The following RBPJ variants were observed in gnomAD, a reference collection of about 807,000 sequenced individuals.
RBPJ encodes recombination signal binding protein for immunoglobulin kappa J region.
A neutral mutation model predicts 67.8 loss-of-function variants in RBPJ; 9 were observed. That is an observed-to-expected ratio of 0.13 (90% CI 0.08 to 0.23). The LOEUF (loss-of-function observed/expected upper bound fraction) is 0.23. Among genes scored for constraint, RBPJ ranks in the 10% least tolerant of loss-of-function variants. The pLI, the probability that RBPJ is intolerant of heterozygous loss-of-function variation, is 1.00. For missense variants in RBPJ, 305 were observed against 595.6 expected, an observed-to-expected ratio of 0.51 and a Z score of 5.08; for synonymous variants, 198 against 203.3, an observed-to-expected ratio of 0.97 and a Z score of 0.22.
At chr4:26,376,149 C>G (rs1729707249) in intron 1 of RBPJ, among the ~76,000 whole-genome samples, 1 of 152,070 alleles carries the variant, frequency 6.6e-6, no homozygotes, top group African/African-American at 2.4e-5. Context: ...ACCATTTTAA[C>G]CAATTTTAAG....
At chr4:26,418,330 A>G (rs566900513) in intron 4 of RBPJ, among the ~76,000 whole-genome samples, 2 of 152,300 alleles carry the variant, frequency 1.3e-5, no homozygotes, top group Admixed American at 6.5e-5. Context: ...CTTATTTTCT[A>G]TGAGTCAGTG....
chr4:26,310,825 G>A (rs941592529), intron 1 of RBPJ, among the ~76,000 whole-genome samples: 7 of 151,748 alleles, frequency 4.6e-5, no homozygotes, highest in South Asian at 2.1e-4. Flanking sequence ...GCCTGCCAAC[G>A]CACCCGGCTA....
chr4:26,370,840 GGA>G lies in RBPJ; in HGVS notation c.21-15510_21-15509del, dbSNP rs199505334. 1.0e-3 allele frequency among the ~76,000 whole-genome samples: 156 copies of G among 152,170 alleles called. 1 individual carries two copies. The East Asian group carries it at 0.025, about 24-fold the overall frequency. ...TCACGCCTGTAATCCCAGCACTTTGGGAGACCGAGGCCGGCAGATCACGAGAT... is the reference window on the plus strand; with the variant it reads ...TCACGCCTGTAATCCCAGCACTTTGGGACCGAGGCCGGCAGATCACGAGAT... On this transcript the variant is annotated intron_variant, in intron 1 of 10. Transcript: ENST00000355476.
the RBPJ span, among the ~76,000 whole-genome samples, chr4:26,128,010 T>G: frequency 1.3e-5 from 2 of 152,218 alleles, no homozygotes; most frequent in African/African-American, 4.8e-5. Context: ...TGATCCTGTT[T>G]GACTTGTGTG....
At chr4:26,246,256 T>G (rs1719925213) in intron 1 of RBPJ, among the ~76,000 whole-genome samples, 1 of 152,234 alleles carries the variant, frequency 6.6e-6, no homozygotes, top group African/African-American at 2.4e-5. Flanking sequence ...GTTTCATAGT[T>G]TCTGGTGTTT....
intron 1 of RBPJ, among the ~76,000 whole-genome samples, chr4:26,378,340 TTTTTTGAGGCCATAGATTTAAAAAAATTC>T (rs1729971076): frequency 6.6e-6 from 1 of 151,932 alleles, no homozygotes; most frequent in Non-Finnish European, 1.5e-5. Flanking sequence ...TTGCCTCTCT[TTTTTTGAGGCCATAGATTTAAAAAAATTC>T]TTTTTGAGGC....
At chr4:26,328,563 G>T (rs1723895768) in intron 1 of RBPJ, among the ~76,000 whole-genome samples, 2 of 152,198 alleles carry the variant, frequency 1.3e-5, no homozygotes, top group Non-Finnish European at 2.9e-5. Context: ...GGGAAATTAA[G>T]CTGGAAAAGT....
chr4:26,316,481 A>ATT (rs1722627094), upstream of RBPJ, among the ~76,000 whole-genome samples: 1 of 114,602 alleles, frequency 8.7e-6, no homozygotes, highest in Non-Finnish European at 1.7e-5. Flanking sequence ...ATTCATATAT[A>ATT]CATATTCATA....
intron 1 of RBPJ, among the ~76,000 whole-genome samples, chr4:26,285,728 G>A (rs35231025): frequency 7.5e-6 from 1 of 132,654 alleles, no homozygotes; most frequent in Non-Finnish European, 1.6e-5. Context: ...ATGCATTCCA[G>A]ACAAGTTTCC....
chr4:26,299,781 C>T (rs1304453527), intron 1 of RBPJ, among the ~76,000 whole-genome samples: 4 of 146,000 alleles, frequency 2.7e-5, no homozygotes, highest in East Asian at 4.1e-4. Flanking sequence ...TGGGTTCAAG[C>T]GATTCTCCTG....
rs1332260945 is a variant in RBPJ, at chr4:26,264,491, G to A, written c.-166-97955G>A. Among the ~76,000 whole-genome samples the A allele has an allele frequency of 1.3e-5, 2 of 152,068 alleles. No individual in the cohort carries two copies. The highest frequency in any genetic ancestry group is 4.8e-5 in the African/African-American group (2 of 41,404). On this transcript the variant is annotated intron_variant, in intron 1 of 4. Transcript: ENST00000512351. The surrounding 1 kb of genome is among the most constrained non-coding windows in gnomAD (Gnocchi z 4.1). ...ATCCTTCCATTTTCTTTAAAATGGAGTTTCTTTCAAATTCTTCAATGGTCC... is the reference window on the plus strand; with the variant it reads ...ATCCTTCCATTTTCTTTAAAATGGAATTTCTTTCAAATTCTTCAATGGTCC...
chr4:26,178,070 T>C (rs1434896339), intron 1 of RBPJ, among the ~76,000 whole-genome samples: 1 of 152,250 alleles, frequency 6.6e-6, no homozygotes, highest in Non-Finnish European at 1.5e-5. Flanking sequence ...TTCAGTGTTT[T>C]TCCAGGTAGA....
At chr4:26,394,063 GTTGCCC>G (rs1731841152) in intron 2 of RBPJ, among the ~76,000 whole-genome samples, 1 of 139,860 alleles carries the variant, frequency 7.2e-6, no homozygotes, top group South Asian at 2.2e-4. Context: ...GTCTCACTCT[GTTGCCC>G]AGGCTGGAGT....
chr4:26,171,201 T>C (rs915277244), intron 1 of RBPJ, among the ~76,000 whole-genome samples: 3 of 152,228 alleles, frequency 2.0e-5, no homozygotes, highest in African/African-American at 4.8e-5. Context: ...GTTTTGAGTT[T>C]CACATGAAAT....
intron 1 of RBPJ, among the ~76,000 whole-genome samples, chr4:26,244,309 ATG>A (rs369937305): frequency 1.3e-5 from 1 of 77,076 alleles, no homozygotes; most frequent in Non-Finnish European, 3.0e-5. Flanking sequence ...GTGTACACAT[ATG>A]TGTGTATATG....
At chr4:26,279,204 T>C (rs947763400) in intron 1 of RBPJ, among the ~76,000 whole-genome samples, 15 of 152,290 alleles carry the variant, frequency 9.8e-5, no homozygotes, top group Admixed American at 3.3e-4. Flanking sequence ...TTCAATCCAG[T>C]TGGGCAGAAG....
chr4:26,325,251 C>T (rs1394011112), intron 1 of RBPJ, among the ~76,000 whole-genome samples: 2 of 152,190 alleles, frequency 1.3e-5, no homozygotes, highest in Non-Finnish European at 1.5e-5. Flanking sequence ...TCATTTCTCA[C>T]CTGGTTTACT....
intron 1 of RBPJ, among the ~76,000 whole-genome samples, chr4:26,340,626 G>A (rs1197730664): frequency 1.3e-5 from 2 of 152,212 alleles, no homozygotes; most frequent in Admixed American, 6.5e-5. Flanking sequence ...TTGGGAGGCC[G>A]AGGTGGGTGG....
chr4:26,154,121 G>A, the RBPJ span, among the ~76,000 whole-genome samples: 89 of 152,202 alleles, frequency 5.8e-4, no homozygotes, highest in African/African-American at 2.0e-3. Flanking sequence ...TCCTTTAGAG[G>A]ACAAACAAAG....
Sources: gnomAD v4.1 joint callset for allele counts (sites outside exome capture counted in the v4.1 genomes callset) on GRCh38, gnomAD v4.1.1 for gene constraint, Gnocchi (gnomAD v3.1) non-coding constraint, MANE v1.5 for transcripts, NCBI Gene and HGNC (gene_info 2026-07-23, HGNC 2026-07-21) for gene names.